Variants in HTT observed in about 807,000 individuals in gnomAD.
The protein encoded by HTT is huntingtin.
HTT carries 104 observed loss-of-function variants against 362.3 expected under a neutral mutation model. The observed-to-expected ratio is 0.29, with a 90% CI of 0.24 to 0.34. The LOEUF is 0.34. Among genes scored for constraint, HTT ranks in the 10% least tolerant of loss-of-function variants. HTT has a pLI of 1.00. For synonymous variants in HTT, 1,577 were observed against 1,548.7 expected, an observed-to-expected ratio of 1.02 and a Z score of -0.43; for missense variants, 3,301 against 3,928.6, an observed-to-expected ratio of 0.84 and a Z score of 4.27.
chr4:3,140,260 CAAAA>C (rs754479930), intron 21 of HTT, among the ~76,000 whole-genome samples: 3 of 83,072 alleles, frequency 3.6e-5, no homozygotes, highest in Non-Finnish European at 5.0e-5. Context: ...CATTCTGTCT[CAAAA>C]AAAAAAAAAA....
intron 8 of HTT, among the ~76,000 whole-genome samples, chr4:3,118,631 C>T (rs1715144216): frequency 6.6e-6 from 1 of 152,132 alleles, no homozygotes; most frequent in Admixed American, 6.5e-5. Context: ...AGCAAGAGTG[C>T]TGGTTACGGA....
At chr4:3,096,366 G>A (rs899202653) in intron 2 of HTT, among the ~76,000 whole-genome samples, 16 of 152,182 alleles carry the variant, frequency 1.1e-4, no homozygotes, top group African/African-American at 3.6e-4. Flanking sequence ...TGTCCCCTGT[G>A]CAACCTCATT....
At chr4:3,229,311 CA>C (rs1721100737) in intron 59 of HTT, among the ~76,000 whole-genome samples, 1 of 147,822 alleles carries the variant, frequency 6.8e-6, no homozygotes. Flanking sequence ...ACCACACACA[CA>C]CACACACACC....
chr4:3,093,893 C>T lies in HTT; in HGVS notation c.348-5381C>T, dbSNP rs1159304250. Among the ~76,000 whole-genome samples the T allele has an allele frequency of 3.1e-5, 4 of 130,912 alleles. No homozygotes were observed. The East Asian group carries it at 6.8e-4, about 22-fold the overall frequency. 85.9% of individuals were successfully genotyped at this position (130,912 alleles called of 152,430 possible). A position where few individuals can be genotyped will look rare whatever the true frequency, so the allele number is the denominator to read the frequency against. Reference sequence around the variant, plus strand: ...TTTTTTTTTTTAAGATATCATTTACCCCTTTAAGTTGGTTTTTTTTTTTTT... The same window carrying T: ...TTTTTTTTTTTAAGATATCATTTACTCCTTTAAGTTGGTTTTTTTTTTTTT... On this transcript the variant is annotated intron_variant, in intron 2 of 66. Coordinates refer to ENST00000355072, the MANE Select transcript of HTT (RefSeq NM_001388492.1).
chr4:3,178,004 A>G (rs563777906), intron 34 of HTT, among the ~76,000 whole-genome samples: 38 of 152,212 alleles, frequency 2.5e-4, no homozygotes, highest in Non-Finnish European at 3.1e-4. Context: ...TTGAGTTTCA[A>G]TTTCTTCAAG....
chr4:3,130,071 C>G (rs182147084), intron 13 of HTT, 24 bp downstream of exon 13: 737 of 1,566,392 alleles, frequency 4.7e-4, no homozygotes, highest in Non-Finnish European at 5.4e-4. Flanking sequence ...AGGTGATGCG[C>G]TACAAAGTGG....
intron 29 of HTT, among the ~76,000 whole-genome samples, chr4:3,169,892 C>A (rs1348192774): frequency 6.6e-6 from 1 of 152,160 alleles, no homozygotes; most frequent in Non-Finnish European, 1.5e-5. Context: ...GTGTATATCA[C>A]TAATTTTGTT....
In HTT at chr4:3,223,249, C is replaced by T. The variant is rs2110288688; in HGVS notation, c.7471-157C>T. ...TTCAGGGCCCGTGTGTGCGGAGGCC[C>T]TGCCTTGTGCCCCGTGAGCTCAGCC... On this transcript the variant is annotated intron_variant, in intron 54 of 66. Coordinates refer to ENST00000355072, the MANE Select transcript of HTT (RefSeq NM_001388492.1). Among the ~76,000 whole-genome samples the T allele has an allele frequency of 1.3e-5, 2 of 152,390 alleles. 1 individual carries two copies. The highest frequency in any genetic ancestry group is 4.1e-4 in the South Asian group (2 of 4,826).
In HTT at chr4:3,146,929, G is replaced by C. The variant is rs777405862; in HGVS notation, c.3276G>C (p.Leu1092Phe). The change falls in exon 25 of 67, where the codon TTG becomes TTC. Residue 1092 changes from leucine (L) to phenylalanine (F), a missense_variant. Leu to Phe is a conservative substitution (Grantham distance 22, BLOSUM62 0). This residue lies in a region of HTT where 2,316 missense variants were observed against 2,658.5 expected (regional missense o/e 0.87). Coordinates refer to ENST00000355072, the MANE Select transcript of HTT (RefSeq NM_001388492.1). ...DLSAHQDALI[L>F]AGNLLAASAP... The stretch of plus-strand genomic sequence containing the variant: ...CAGCCCATCAAGATGCTTTGATTTT[G>C]GCCGGAAACTTGCTTGCAGGTACTG... The C allele has an allele frequency of 7.4e-6, 12 of 1,614,164 alleles. No individual in the cohort carries two copies. Among genetic ancestry groups the C allele is most frequent in the Non-Finnish European group, 1.0e-5 (12 of 1,180,022 alleles).
chr4:3,233,028 G>T, intron 60 of HTT, 135 bp from the exon 61 acceptor site: 1 of 679,248 alleles, frequency 1.5e-6, no homozygotes, highest in Admixed American at 2.5e-5. Flanking sequence ...AGGCCTCTCA[G>T]GATGGTCTCC....
At position 3,224,068 on chromosome 4, in the gene HTT, A is replaced by G. The variant is rs1213951422; in HGVS notation, c.7702A>G (p.Ile2568Val). The part of the protein sequence containing the change: ...IQAMVSKREN[I>V]ATHHLYQAWD... ...AGCAATGGTTTCAAAGAGAGAGAAT[A>G]TTGCCACCCATCATTTATATCAGGC... Residue 2568 changes from isoleucine to valine, a missense_variant, in exon 56 of 67, where the codon ATT becomes GTT. By Grantham distance (29) the Ile-to-Val change is conservative. Transcript: ENST00000355072. 3.1e-6 allele frequency: 5 copies of G among 1,613,992 alleles called. No individual in the cohort carries two copies. The South Asian group carries it at 3.3e-5, about 11-fold the overall frequency.
intron 12 of HTT, chr4:3,128,572 C>T (rs1343054872): frequency 6.6e-6 from 1 of 152,134 alleles, no homozygotes; most frequent in Non-Finnish European, 1.5e-5. Flanking sequence ...GTGATTAATA[C>T]TGTGCATTAT....
chr4:3,220,757 C>T lies in HTT; in HGVS notation c.7369+449C>T, dbSNP rs1720633924. 2.6e-5 allele frequency among the ~76,000 whole-genome samples: 4 copies of T among 152,074 alleles called. No homozygotes were observed. In the South Asian group the frequency reaches 8.3e-4, roughly 32 times the overall value. ...GTCAGGTTTCTTGGCACTCGCCTTC[C>T]CCAGAGCCTAGAGGCAGCATGGGGA... is the stretch of plus-strand genomic sequence containing the variant. On this transcript the variant is annotated intron_variant, in intron 53 of 66. Transcript: ENST00000355072.
At chr4:3,158,579 C>T (rs887745549) in intron 28 of HTT, among the ~76,000 whole-genome samples, 2 of 152,120 alleles carry the variant, frequency 1.3e-5, no homozygotes, top group Admixed American at 6.5e-5. Context: ...AGCTCTTGCA[C>T]ATTTCTTGAT....
At chr4:3,084,515 C>T (rs1017210535) in intron 1 of HTT, among the ~76,000 whole-genome samples, 2 of 151,750 alleles carry the variant, frequency 1.3e-5, no homozygotes, top group African/African-American at 4.8e-5. Context: ...CATGATGAAA[C>T]CCCATCTTGA....
intron 40 of HTT, among the ~76,000 whole-genome samples, chr4:3,191,019 TGATA>T (rs762439129): frequency 6.6e-6 from 1 of 152,158 alleles, no homozygotes; most frequent in Non-Finnish European, 1.5e-5. Context: ...TGGAAGCCCT[TGATA>T]TTAAAAAGGT....
At chr4:3,169,368 T>G (rs559969906) in intron 29 of HTT, among the ~76,000 whole-genome samples, 1 of 152,314 alleles carries the variant, frequency 6.6e-6, no homozygotes, top group South Asian at 2.1e-4. Flanking sequence ...CCCTCCTTTT[T>G]TCCCTCTCTT....
chr4:3,207,573 T>G (rs935348064), intron 45 of HTT, among the ~76,000 whole-genome samples: 8 of 152,198 alleles, frequency 5.3e-5, no homozygotes, highest in African/African-American at 1.9e-4. Flanking sequence ...GTCTGTGACG[T>G]GAGTGGAGGC....
chr4:3,204,827 A>G (rs1043050911), intron 42 of HTT, among the ~76,000 whole-genome samples: 1 of 152,086 alleles, frequency 6.6e-6, no homozygotes, highest in Non-Finnish European at 1.5e-5. Context: ...AGAGGAAGAA[A>G]GAAAAATTAG....
Sources: allele counts gnomAD v4.1 joint callset (sites outside exome capture counted in the v4.1 genomes callset), GRCh38; gene constraint gnomAD v4.1.1; regional missense constraint gnomAD v4.1.1; transcripts MANE v1.5; gene names NCBI Gene and HGNC (gene_info 2026-07-23, HGNC 2026-07-21).